ZFYVE1: variants seen among roughly 807,000 people sequenced by gnomAD.
The protein encoded by ZFYVE1 is zinc finger FYVE-type containing 1, also known as zinc finger FYVE domain-containing protein 1.
In ZFYVE1, 30 loss-of-function variants were observed where a neutral mutation model predicts 74.4. That is an observed-to-expected ratio of 0.40 (90% CI 0.30 to 0.55). The LOEUF (loss-of-function observed/expected upper bound fraction) is 0.55, where lower values mean the gene tolerates loss of function less well. ZFYVE1 is among the 20% of genes least tolerant of loss of function. ZFYVE1 has a pLI of 0.42. For synonymous variants in ZFYVE1, 335 were observed against 385.1 expected (o/e 0.87, Z 1.52); for missense variants, 703 against 1,011.6 (o/e 0.69, Z 4.14).
intron 3 of ZFYVE1, among the ~76,000 whole-genome samples, chr14:72,994,571 A>G (rs1340112346): frequency 6.6e-6 from 1 of 152,120 alleles, no homozygotes; most frequent in Non-Finnish European, 1.5e-5. Context: ...TATGCACATT[A>G]CACTTCAAGG....
chr14:72,991,265 C>T (rs1306545766), intron 4 of ZFYVE1, among the ~76,000 whole-genome samples: 2 of 146,848 alleles, frequency 1.4e-5, no homozygotes, highest in African/African-American at 5.0e-5. Flanking sequence ...TCTCGGCTCA[C>T]TGCAAGCTCC....
At chr14:73,008,011 C>T (rs111620823) in intron 2 of ZFYVE1, among the ~76,000 whole-genome samples, 1 of 152,222 alleles carries the variant, frequency 6.6e-6, no homozygotes, top group African/African-American at 2.4e-5. Flanking sequence ...CTTTCTTCCA[C>T]TCTAGTGTCC....
intron 8 of ZFYVE1, among the ~76,000 whole-genome samples, chr14:72,977,134 G>A (rs377495617): frequency 7.2e-5 from 11 of 152,206 alleles, no homozygotes; most frequent in Admixed American, 2.6e-4. Flanking sequence ...TAAACTGGGC[G>A]CGGTGGCTCA....
At chr14:72,993,580 T>A (rs1386583948) in intron 3 of ZFYVE1, among the ~76,000 whole-genome samples, 1 of 109,208 alleles carries the variant, frequency 9.2e-6, no homozygotes, top group African/African-American at 3.1e-5. Context: ...ATGCCTGTAA[T>A]CCCTACTAGT....
Position 72,970,678 on chromosome 14 carries a change from T to A in ZFYVE1, c.*204A>T. 1.7e-6 allele frequency: 1 copy of A among 603,374 alleles called. No homozygotes were observed. Among genetic ancestry groups the A allele is most frequent in the South Asian group, 2.1e-5 (1 of 48,558 alleles). The allele number at this position is 603,374 out of a possible 1,614,324, so 37.4% of individuals were successfully genotyped here. A position where few individuals can be genotyped will look rare whatever the true frequency, so the allele number is the denominator to read the frequency against. On this transcript the variant is annotated 3_prime_UTR_variant, in exon 12 of 12. Coordinates refer to ENST00000556143, the MANE Select transcript of ZFYVE1 (RefSeq NM_021260.4). Reference sequence around the variant, plus strand: ...GATTCAGGTTCATTCCCCTTTGCGATAAGTTGCAAGGTCCCCTGCCCTGAG... The same window carrying A: ...GATTCAGGTTCATTCCCCTTTGCGAAAAGTTGCAAGGTCCCCTGCCCTGAG...
At chr14:72,987,036 T>C (rs927727159) in intron 4 of ZFYVE1, 1 of 914,514 alleles carries the variant, frequency 1.1e-6, no homozygotes, top group African/African-American at 1.8e-5. Context: ...GGAGACCAGA[T>C]GATCTTGAAC....
intron 4 of ZFYVE1, among the ~76,000 whole-genome samples, chr14:72,991,953 CTGGAGTGCAG>C (rs907994978): frequency 6.6e-5 from 10 of 151,390 alleles, no homozygotes; most frequent in African/African-American, 2.2e-4. Context: ...GTCTCCCAGG[CTGGAGTGCAG>C]TGGGACAATC....
In ZFYVE1 at chr14:72,993,170, G is replaced by C. The variant is rs149288443; in HGVS notation, c.1176C>G (p.His392Gln). The C allele has an allele frequency of 4.5e-5, 72 of 1,611,764 alleles. No homozygotes were observed. In the African/African-American group the frequency reaches 9.4e-4, roughly 21 times the overall value. The change falls in exon 4 of 12, where the codon CAC becomes CAG. Residue 392 changes from histidine to glutamine, a missense_variant. Physicochemically the swap from His to Gln is conservative, Grantham distance 24. Coordinates refer to ENST00000556143, the MANE Select transcript of ZFYVE1 (RefSeq NM_021260.4). ...TCAGGGCTTTGAAGATGACTCCCGG[G>C]TGCCGGGGAGAACGGGTGGTGTTAT... is the stretch of plus-strand genomic sequence containing the variant. ...LENNTTRSPR[H>Q]PGVIFKALKA... is the part of the protein sequence containing the mutation.
In ZFYVE1 at chr14:72,975,586, C is replaced by T. The variant is rs760423155; in HGVS notation, c.1771G>A (p.Ala591Thr). 1.9e-6 allele frequency: 3 copies of T among 1,613,856 alleles called. No homozygotes were observed. Among genetic ancestry groups the T allele is most frequent in the Admixed American group, 1.7e-5 (1 of 59,958 alleles). ...AVTSWLTDQI[A>T]PAYWRPNSQI... is the part of the protein sequence containing the mutation. The stretch of plus-strand genomic sequence containing the variant: ...GAGTTGGGCCTCCAGTAGGCAGGGG[C>T]GATCTGGTCTGTCAGCCAGGAAGTC... Residue 591 changes from alanine (A) to threonine (T), a missense_variant, in exon 9 of 12, where the codon GCC (alanine) becomes ACC (threonine). Ala to Thr is a moderately conservative substitution (Grantham distance 58). Coordinates refer to ENST00000556143, the MANE Select transcript of ZFYVE1 (RefSeq NM_021260.4). This position sits in a 1 kb window ranked among gnomAD's most constrained non-coding sequence, Gnocchi z 4.1.
At position 73,024,378 on chromosome 14, in the gene ZFYVE1, C is replaced by T. The variant is rs200840006; in HGVS notation, c.131G>A (p.Arg44His). 1.1e-5 allele frequency: 18 copies of T among 1,614,156 alleles called. No homozygotes were observed. The East Asian group carries it at 2.0e-4, about 18-fold the overall frequency. ...CTGCCGATGGAGCTCCTCCTCGCAG[C>T]GGAGACACTGCAGACTGCAGCACTC... Reference protein sequence around the residue: ...CDECCSLQCLRCEEELHRQER... With the variant: ...CDECCSLQCLHCEEELHRQER... The change falls in exon 2 of 12, where the codon CGC (arginine) becomes CAC (histidine). Residue 44 changes from arginine to histidine, a missense_variant. Around this residue, in one of 2 missense-constraint regions of ZFYVE1, gnomAD observed 211 missense variants for 221.7 expected, o/e 0.95. Coordinates refer to ENST00000556143, the MANE Select transcript of ZFYVE1 (RefSeq NM_021260.4).
At chr14:73,003,961 G>A (rs374855309) in intron 2 of ZFYVE1, among the ~76,000 whole-genome samples, 16 of 152,100 alleles carry the variant, frequency 1.1e-4, no homozygotes, top group East Asian at 5.8e-4. Flanking sequence ...GTGAATAAAC[G>A]CCAGGCACCT....
chr14:73,004,826 T>C (rs78720781), intron 2 of ZFYVE1, among the ~76,000 whole-genome samples: 10,583 of 152,056 alleles, frequency 0.07, 534 homozygotes, highest in South Asian at 0.19. Flanking sequence ...AGCAAAACCC[T>C]ATCTCTACTA....
At chr14:73,023,263 T>C (rs1218783464) in intron 2 of ZFYVE1, among the ~76,000 whole-genome samples, 2 of 116,896 alleles carry the variant, frequency 1.7e-5, no homozygotes, top group Admixed American at 9.7e-5. Context: ...ATATGTTTTA[T>C]ATATAATATA....
chr14:72,990,822 T>G (rs1893593444), intron 4 of ZFYVE1, among the ~76,000 whole-genome samples: 1 of 146,216 alleles, frequency 6.8e-6, no homozygotes, highest in African/African-American at 2.5e-5. Flanking sequence ...TGCCTCAGCC[T>G]CCCTAGTAGC....
intron 2 of ZFYVE1, among the ~76,000 whole-genome samples, chr14:73,017,965 C>A (rs894362964): frequency 3.9e-5 from 6 of 152,214 alleles, no homozygotes; most frequent in Non-Finnish European, 5.9e-5. Flanking sequence ...CATGCATTGG[C>A]ACCTGCTTCC....
chr14:73,012,630 A>G (rs1166836300), intron 2 of ZFYVE1, among the ~76,000 whole-genome samples: 1 of 152,160 alleles, frequency 6.6e-6, no homozygotes, highest in Non-Finnish European at 1.5e-5. Context: ...TCAAAAAAAA[A>G]GAACTGTGGG....
chr14:73,016,287 G>A (rs58404614), intron 2 of ZFYVE1, among the ~76,000 whole-genome samples: 6,328 of 152,250 alleles, frequency 0.042, 220 homozygotes, highest in East Asian at 0.19. Flanking sequence ...CAAGGCAGGC[G>A]GATCACAAGG....
intron 8 of ZFYVE1, 93 bp downstream of exon 8, chr14:72,977,834 A>G: frequency 7.6e-7 from 1 of 1,322,578 alleles, no homozygotes. Context: ...ATTCATGGTT[A>G]ACCTTAATTT....
At chr14:73,012,516 G>A (rs1437252364) in intron 2 of ZFYVE1, among the ~76,000 whole-genome samples, 1 of 152,118 alleles carries the variant, frequency 6.6e-6, no homozygotes, top group African/African-American at 2.4e-5. Context: ...CAGCTACTTG[G>A]GAGGCTGAGA....
Sources: allele counts gnomAD v4.1 joint callset (sites outside exome capture counted in the v4.1 genomes callset), GRCh38; gene constraint gnomAD v4.1.1; regional missense constraint gnomAD v4.1.1; non-coding constraint Gnocchi (gnomAD v3.1); transcripts MANE v1.5; gene names NCBI Gene and HGNC (gene_info 2026-07-23, HGNC 2026-07-21).